RNF152: variants seen among roughly 807,000 people sequenced by gnomAD.
RNF152 encodes the protein ring finger protein 152, also known as E3 ubiquitin-protein ligase RNF152.
In RNF152, 11 loss-of-function variants were observed where a neutral mutation model predicts 12.7. That is an observed-to-expected ratio of 0.86 (90% CI 0.54 to 1.43). RNF152 has a LOEUF of 1.43. Ranked by LOEUF, RNF152 falls within the 40% of genes most tolerant of loss-of-function variation. The probability of loss-of-function intolerance (pLI) is 0.00; values close to 1 mark genes in which losing one functional copy is unlikely to be tolerated. For missense variants in RNF152, 255 were observed against 274.8 expected (o/e 0.93, Z 0.51); for synonymous variants, 113 against 120.3 (o/e 0.94, Z 0.40).
intron 1 of RNF152, among the ~76,000 whole-genome samples, chr18:61,830,322 A>G (rs56317690): frequency 0.41 from 61,930 of 151,932 alleles, 12,818 homozygotes; most frequent in Non-Finnish European, 0.46. Context: ...CACAGTGCCC[A>G]GCCCTTTCCA....
At chr18:61,824,685 C>G (rs2144633405) in intron 1 of RNF152, among the ~76,000 whole-genome samples, 1 of 152,342 alleles carries the variant, frequency 6.6e-6, no homozygotes, top group East Asian at 1.9e-4. Flanking sequence ...ATTCCTATTA[C>G]CCAAACTTGT....
intron 1 of RNF152, among the ~76,000 whole-genome samples, chr18:61,821,347 A>G (rs963080919): frequency 1.3e-5 from 2 of 152,148 alleles, no homozygotes; most frequent in Non-Finnish European, 2.9e-5. Flanking sequence ...TCTCTGATTT[A>G]TGCACTGATT....
chr18:61,868,442 C>T (rs1231386537), intron 1 of RNF152, among the ~76,000 whole-genome samples: 1 of 152,128 alleles, frequency 6.6e-6, no homozygotes, highest in Non-Finnish European at 1.5e-5. Flanking sequence ...GGTGCAGTGG[C>T]TCGTGCCTGT....
At chr18:61,834,475 C>T (rs910536710) in intron 1 of RNF152, among the ~76,000 whole-genome samples, 4 of 152,196 alleles carry the variant, frequency 2.6e-5, no homozygotes, top group African/African-American at 9.6e-5. Flanking sequence ...AGGGAAGGCA[C>T]CTACACACAC....
intron 1 of RNF152, chr18:61,888,265 T>C (rs1166987945): frequency 2.0e-5 from 3 of 152,246 alleles, no homozygotes; most frequent in Non-Finnish European, 2.9e-5. Context: ...AGGTCACAGA[T>C]ACACTATTTG....
chr18:61,855,158 C>G (rs529984469), intron 1 of RNF152, among the ~76,000 whole-genome samples: 1 of 152,096 alleles, frequency 6.6e-6, no homozygotes, highest in Non-Finnish European at 1.5e-5. Flanking sequence ...AGCAAGATTC[C>G]CCAGTATCTA....
chr18:61,876,486 CT>C (rs983062943), intron 1 of RNF152, among the ~76,000 whole-genome samples: 23 of 152,190 alleles, frequency 1.5e-4, no homozygotes, highest in Non-Finnish European at 7.3e-5. Flanking sequence ...ATCAACAACT[CT>C]TTTTAAGCAT....
chr18:61,836,727 T>A (rs1382103427), intron 1 of RNF152, among the ~76,000 whole-genome samples: 6 of 150,190 alleles, frequency 4.0e-5, no homozygotes, highest in East Asian at 1.9e-4. Context: ...ACACTGAATT[T>A]AAAAAAAAAA....
intron 1 of RNF152, among the ~76,000 whole-genome samples, chr18:61,850,117 T>C (rs1910904759): frequency 2.0e-5 from 3 of 152,226 alleles, no homozygotes; most frequent in African/African-American, 2.4e-5. Context: ...AATACGGTAG[T>C]GTTGAAAAGA....
At chr18:61,834,487 C>T (rs769664952) in intron 1 of RNF152, among the ~76,000 whole-genome samples, 6 of 152,228 alleles carry the variant, frequency 3.9e-5, no homozygotes, top group Admixed American at 6.5e-5. Flanking sequence ...TACACACACA[C>T]CCAGCATCTA....
intron 1 of RNF152, among the ~76,000 whole-genome samples, chr18:61,849,142 G>A (rs1187455524): frequency 6.6e-6 from 1 of 152,182 alleles, no homozygotes; most frequent in Non-Finnish European, 1.5e-5. Context: ...TCCACTGAGG[G>A]GAGATGGGTG....
chr18:61,841,739 G>A (rs907690026), intron 1 of RNF152, among the ~76,000 whole-genome samples: 6 of 152,226 alleles, frequency 3.9e-5, no homozygotes, highest in African/African-American at 1.4e-4. Context: ...GAAACCGCAA[G>A]TGAAGAACTG....
chr18:61,866,151 G>T (rs1911715595), intron 1 of RNF152, among the ~76,000 whole-genome samples: 1 of 152,066 alleles, frequency 6.6e-6, no homozygotes, highest in Admixed American at 6.5e-5. Context: ...ACCCCCTGTG[G>T]TAACCCCTGC....
chr18:61,847,827 G>C (rs1418083079), intron 1 of RNF152, among the ~76,000 whole-genome samples: 1 of 151,878 alleles, frequency 6.6e-6, no homozygotes, highest in East Asian at 1.9e-4. Context: ...TCTTCCCTCT[G>C]CTTGGAATCT....
At chr18:61,833,942 C>T (rs866106656) in intron 1 of RNF152, among the ~76,000 whole-genome samples, 2 of 152,180 alleles carry the variant, frequency 1.3e-5, no homozygotes, top group Non-Finnish European at 1.5e-5. Flanking sequence ...ATACCAACTC[C>T]TTTAATTATG....
intron 1 of RNF152, among the ~76,000 whole-genome samples, chr18:61,826,273 G>C (rs1909664978): frequency 6.6e-6 from 1 of 152,172 alleles, no homozygotes; most frequent in African/African-American, 2.4e-5. Flanking sequence ...CTTCTTTAGA[G>C]CAGGTCTATT....
intron 1 of RNF152, among the ~76,000 whole-genome samples, chr18:61,883,374 A>T (rs1167649949): frequency 6.6e-6 from 1 of 152,176 alleles, no homozygotes; most frequent in Non-Finnish European, 1.5e-5. Flanking sequence ...TTTATTAAAC[A>T]GTTCTCTTCT....
At chr18:61,829,789 A>G (rs1454626609) in intron 1 of RNF152, among the ~76,000 whole-genome samples, 1 of 152,110 alleles carries the variant, frequency 6.6e-6, no homozygotes, top group African/African-American at 2.4e-5. Flanking sequence ...TGTGAGAAGA[A>G]GTGAGAATAT....
chr18:61,825,401 T>C (rs1176154452), intron 1 of RNF152, among the ~76,000 whole-genome samples: 1 of 152,124 alleles, frequency 6.6e-6, no homozygotes, highest in Non-Finnish European at 1.5e-5. Flanking sequence ...GAAAGGACAT[T>C]TGGAATTTAA....
Sources: allele counts gnomAD v4.1 joint callset (sites outside exome capture counted in the v4.1 genomes callset), GRCh38; gene constraint gnomAD v4.1.1; transcripts MANE v1.5; gene names NCBI Gene and HGNC (gene_info 2026-07-23, HGNC 2026-07-21).